The following RGS7 variants were observed in gnomAD, a reference collection of about 807,000 sequenced individuals.
RGS7 encodes the protein regulator of G protein signaling 7.
In RGS7, 27 loss-of-function variants were observed where a neutral mutation model predicts 81.1. The ratio of observed to expected loss-of-function variants is 0.33; its 90% CI spans 0.25 to 0.46. RGS7 has a LOEUF of 0.46. Among genes scored for constraint, RGS7 ranks in the 20% least tolerant of loss-of-function variants. RGS7 has a pLI of 1.00. For missense variants in RGS7, 396 were observed against 607.4 expected (o/e 0.65, Z 3.66); for synonymous variants, 208 against 207.7 (o/e 1.00, Z -0.01).
chr1:241,344,051 A>G (rs2082733988), intron 2 of RGS7, among the ~76,000 whole-genome samples: 1 of 152,170 alleles, frequency 6.6e-6, no homozygotes, highest in African/African-American at 2.4e-5. Flanking sequence ...TGTACAAACT[A>G]AAAAAATTTA....
chr1:241,081,558 G>A (rs145110548), intron 3 of RGS7, among the ~76,000 whole-genome samples: 101 of 152,314 alleles, frequency 6.6e-4, no homozygotes, highest in Middle Eastern at 6.8e-3. Context: ...TTTCCTCAAA[G>A]TCAAGAAACA....
At position 241,098,744 on chromosome 1, in the gene RGS7, G is replaced by A. The variant is rs749609576; in HGVS notation, c.97C>T (p.Arg33Trp). ...ATTCCATTTTTTTCATCTTGCATCCGTGCTATGACGTCTTCCATCTAAACA... is the reference window on the plus strand; with the variant it reads ...ATTCCATTTTTTTCATCTTGCATCCATGCTATGACGTCTTCCATCTAAACA... ...VYRKMEDVIA[R>W]MQDEKNGIPI... Residue 33 changes from arginine (R) to tryptophan (W), a missense_variant, in exon 3 of 19, where the codon CGG (arginine) becomes TGG (tryptophan). Arg to Trp is a moderately radical substitution (Grantham distance 101). Coordinates refer to ENST00000440928, the MANE Select transcript of RGS7 (RefSeq NM_001364886.1). 26 of 1,610,682 alleles carry A rather than the reference G, an allele frequency of 1.6e-5. No homozygotes were observed. The highest frequency in any genetic ancestry group is 4.5e-5 in the East Asian group (2 of 44,834).
intron 3 of RGS7, among the ~76,000 whole-genome samples, chr1:241,093,621 AG>A (rs35825264): frequency 4.6e-5 from 7 of 152,234 alleles, no homozygotes; most frequent in African/African-American, 1.7e-4. Context: ...TATTTAATCT[AG>A]GGGAAAAAAT....
intron 6 of RGS7, among the ~76,000 whole-genome samples, chr1:240,877,379 G>C (rs926844631): frequency 6.6e-6 from 1 of 150,656 alleles, no homozygotes; most frequent in Non-Finnish European, 1.5e-5. Context: ...TACCATTTCT[G>C]TCATTATTTG....
chr1:241,347,502 AT>A (rs2082973684), intron 2 of RGS7, among the ~76,000 whole-genome samples: 1 of 152,212 alleles, frequency 6.6e-6, no homozygotes, highest in Non-Finnish European at 1.5e-5. Flanking sequence ...TCAATTTAAA[AT>A]TCTCAGAAAG....
intron 6 of RGS7, among the ~76,000 whole-genome samples, chr1:240,916,693 G>A (rs10802914): frequency 0.3 from 46,071 of 152,128 alleles, 8,297 homozygotes; most frequent in East Asian, 0.49. Context: ...GTGAGGACAC[G>A]GGAAGGTGGC....
At chr1:240,988,467 T>G (rs919813195) in intron 3 of RGS7, among the ~76,000 whole-genome samples, 2 of 152,150 alleles carry the variant, frequency 1.3e-5, no homozygotes, top group Non-Finnish European at 2.9e-5. Context: ...ACTTTCTGTT[T>G]GAGAAATGAA....
chr1:241,100,507 T>C (rs2064655289), intron 2 of RGS7, among the ~76,000 whole-genome samples: 1 of 152,210 alleles, frequency 6.6e-6, no homozygotes, highest in Admixed American at 6.5e-5. Flanking sequence ...TGTATTACTA[T>C]GACAAATAAC....
At chr1:240,920,218 C>T in intron 6 of RGS7, 1 of 1,160,068 alleles carries the variant, frequency 8.6e-7, no homozygotes, top group Non-Finnish European at 1.3e-6. Flanking sequence ...GCTAGTGCTT[C>T]ATGCAGCCAA....
chr1:240,903,440 C>T lies in RGS7; in HGVS notation c.385+27277G>A, dbSNP rs546307580. Among the ~76,000 whole-genome samples the T allele has an allele frequency of 9.2e-5, 14 of 152,032 alleles. No individual in the cohort carries two copies. The South Asian group carries it at 1.0e-3, about 11-fold the overall frequency. On this transcript the variant is annotated intron_variant, in intron 6 of 18. Coordinates refer to ENST00000440928, the MANE Select transcript of RGS7 (RefSeq NM_001364886.1). ...CATGTTGGACAGCACAAATCTCCTT[C>T]GTCACTTAAGGGTTATTGCCTATTC...
intron 6 of RGS7, among the ~76,000 whole-genome samples, chr1:240,887,226 GTTT>G (rs71297739): frequency 1.3e-5 from 1 of 76,382 alleles, no homozygotes; most frequent in Non-Finnish European, 3.1e-5. Context: ...GAGTATATAG[GTTT>G]TTTTTTTTTT....
intron 9 of RGS7, among the ~76,000 whole-genome samples, chr1:240,846,068 A>T (rs1049222095): frequency 2.0e-5 from 3 of 152,218 alleles, no homozygotes; most frequent in African/African-American, 7.2e-5. Context: ...TAATTTATTC[A>T]TGAATTCAAA....
In RGS7 at chr1:240,851,808, G is replaced by A. The variant is rs151139848; in HGVS notation, c.609+16779C>T. 2.0e-5 allele frequency among the ~76,000 whole-genome samples: 3 copies of A among 152,282 alleles called. No individual in the cohort carries two copies. The East Asian group carries it at 5.8e-4, about 29-fold the overall frequency. ...TAATCGCAGATGTGGTGGAAATAGC[G>A]AGAGAACTAGAATTAGAAGTGGAGC... On this transcript the variant is annotated intron_variant, in intron 9 of 18. Transcript: ENST00000440928.
At chr1:240,817,765 G>A (rs112222502) in intron 10 of RGS7, among the ~76,000 whole-genome samples, 4,360 of 152,192 alleles carry the variant, frequency 0.029, 213 homozygotes, top group African/African-American at 0.099. Context: ...ACCACACCCG[G>A]CTAATTTTTG....
intron 15 of RGS7, among the ~76,000 whole-genome samples, chr1:240,805,053 C>T (rs1407850906): frequency 6.6e-6 from 1 of 152,112 alleles, no homozygotes; most frequent in East Asian, 1.9e-4. Flanking sequence ...ATGAAGTATG[C>T]ACGTTCTGAT....
chr1:241,145,079 C>T (rs1572878478), intron 2 of RGS7, among the ~76,000 whole-genome samples: 1 of 151,582 alleles, frequency 6.6e-6, no homozygotes, highest in Non-Finnish European at 1.5e-5. Flanking sequence ...TGCAGTGGCA[C>T]GATCTCGGCT....
chr1:240,790,523 C>A (rs1210241878), intron 18 of RGS7, among the ~76,000 whole-genome samples: 2 of 152,056 alleles, frequency 1.3e-5, no homozygotes, highest in Non-Finnish European at 2.9e-5. Flanking sequence ...GTAAATCACA[C>A]CTTCAAGCAA....
At chr1:241,182,648 CTTT>C (rs34005010) in intron 2 of RGS7, among the ~76,000 whole-genome samples, 11 of 118,168 alleles carry the variant, frequency 9.3e-5, no homozygotes, top group Non-Finnish European at 8.7e-5. Context: ...GCATCTCACG[CTTT>C]TTTTTTTTTT....
intron 2 of RGS7, among the ~76,000 whole-genome samples, chr1:241,334,653 T>A (rs1002860553): frequency 2.0e-5 from 3 of 152,144 alleles, no homozygotes; most frequent in Non-Finnish European, 2.9e-5. Flanking sequence ...TTCATGAAGT[T>A]CTCTTTCTAT....
Sources: gnomAD v4.1 joint callset for allele counts (sites outside exome capture counted in the v4.1 genomes callset) on GRCh38, gnomAD v4.1.1 for gene constraint, MANE v1.5 for transcripts, NCBI Gene and HGNC (gene_info 2026-07-23, HGNC 2026-07-21) for gene names.